Variants in SLC7A8 observed in about 807,000 individuals in gnomAD.
SLC7A8 encodes the protein solute carrier family 7 member 8.
In SLC7A8, 30 loss-of-function variants were observed where a neutral mutation model predicts 51.2. That is an observed-to-expected ratio of 0.59 (90% CI 0.44 to 0.80). The LOEUF (loss-of-function observed/expected upper bound fraction) is 0.80, where lower values mean the gene tolerates loss of function less well. SLC7A8 is among the 30% of genes least tolerant of loss of function. SLC7A8 has a pLI of 0.00. For missense variants in SLC7A8, 612 were observed against 674.4 expected, an observed-to-expected ratio of 0.91 and a Z score of 1.03; for synonymous variants, 257 against 275.8, an observed-to-expected ratio of 0.93 and a Z score of 0.67.
intron 1 of SLC7A8, among the ~76,000 whole-genome samples, chr14:23,173,982 C>A (rs2048987546): frequency 6.6e-6 from 1 of 152,170 alleles, no homozygotes; most frequent in African/African-American, 2.4e-5. Flanking sequence ...CATTGCACAG[C>A]TAAGTAAACT....
chr14:23,176,784 A>C lies in SLC7A8; in HGVS notation c.151+5980T>G, dbSNP rs147163762. 8.0e-3 allele frequency among the ~76,000 whole-genome samples: 1,214 copies of C among 152,122 alleles called. 7 individuals carry two copies. Among genetic ancestry groups the C allele is most frequent in the Middle Eastern group, 0.024 (7 of 294 alleles). ...TGGTGAAACCCTGTCTTCACTAAAAATACAAAAATTAGCTGAGCGTGGTAG... is the reference window on the plus strand; with the variant it reads ...TGGTGAAACCCTGTCTTCACTAAAACTACAAAAATTAGCTGAGCGTGGTAG... On this transcript the variant is annotated intron_variant, in intron 1 of 10. Coordinates refer to ENST00000316902, the MANE Select transcript of SLC7A8 (RefSeq NM_012244.4).
chr14:23,148,069 C>G (rs1488763757), intron 3 of SLC7A8, among the ~76,000 whole-genome samples: 2 of 151,596 alleles, frequency 1.3e-5, no homozygotes, highest in African/African-American at 4.9e-5. Flanking sequence ...ACAGAAGTCT[C>G]TCCTTCACTT....
rs760021715 is a variant in SLC7A8 at position 23,139,407 on chromosome 14, G to C, written c.912+17C>G. On this transcript the variant is annotated intron_variant, in intron 6 of 10. Transcript: ENST00000316902. ...TCTGCATTCCTGGTATGAGACTCTG[G>C]GACTTTCATTTCTTACCACAGCGAC... 1 of 1,613,740 alleles carries C rather than the reference G, an allele frequency of 6.2e-7. No individual in the cohort carries two copies. The highest frequency in any genetic ancestry group is 1.1e-5 in the South Asian group (1 of 91,068).
At position 23,150,432 on chromosome 14, in the gene SLC7A8, A is replaced by G. The variant is rs946007120; in HGVS notation, c.509-7228T>C. Among the ~76,000 whole-genome samples the G allele has an allele frequency of 3.9e-5, 6 of 152,220 alleles. No homozygotes were observed. The South Asian group carries it at 1.2e-3, about 32-fold the overall frequency. On this transcript the variant is annotated intron_variant, in intron 3 of 10. Coordinates refer to ENST00000316902, the MANE Select transcript of SLC7A8 (RefSeq NM_012244.4). ...CAGCAGCATGAAGGGAAGGAGGCAG[A>G]GTCGGCTCTCTCAGAGGGACCTGGC...
Position 23,129,744 on chromosome 14 carries a change from T to C in SLC7A8, c.1169A>G (p.Tyr390Cys), listed in dbSNP as rs756524951. The change falls in exon 9 of 11, where the codon TAT becomes TGT. Residue 390 changes from tyrosine (Y) to cysteine (C), a missense_variant. Transcript: ENST00000316902. ...VTSDMYTLIN[Y>C]VGFINYLFYG... is the part of the protein sequence containing the mutation. ...GAAGAGGTAGTTGATGAAGCCCACA[T>C]AGTTGATGAGTGTGTACATGTCGCT... 53 of 1,614,034 alleles carry C rather than the reference T, an allele frequency of 3.3e-5. No homozygotes were observed. Among genetic ancestry groups the C allele is most frequent in the Admixed American group, 1.7e-5 (1 of 60,008 alleles).
intron 8 of SLC7A8, 66 bp from the exon 9 acceptor site, chr14:23,129,865 G>C: frequency 6.4e-7 from 1 of 1,569,828 alleles, no homozygotes; most frequent in Non-Finnish European, 8.7e-7. Flanking sequence ...TACAGATTAG[G>C]GGCTGTCCCC....
intron 3 of SLC7A8, chr14:23,154,154 C>T: frequency 1.4e-6 from 1 of 735,714 alleles, no homozygotes. Context: ...CCTCTCCAAA[C>T]CTGCAAAACA....
In SLC7A8 at chr14:23,128,194, G is replaced by A. The variant is rs962468753; in HGVS notation, c.1266C>T (p.Ile422=). The A allele has an allele frequency of 2.5e-6, 4 of 1,614,110 alleles. No individual in the cohort carries two copies. The part of the protein sequence containing the change: ...KKPDIPRPIK[I]NLLFPIIYLL... ...AGTAGATGATGGGGAACAGCAGGTT[G>A]ATCTGTGGAGCAGAGGCATGAGGCG... The change falls in exon 10 of 11, where the codon ATC becomes ATT. Residue 422 remains isoleucine (I), a splice_region_variant and synonymous_variant. Coordinates refer to ENST00000316902, the MANE Select transcript of SLC7A8 (RefSeq NM_012244.4). The surrounding 1 kb of genome is among the most constrained non-coding windows in gnomAD (Gnocchi z 4.3).
At chr14:23,156,943 A>G (rs1254296960) in intron 3 of SLC7A8, among the ~76,000 whole-genome samples, 3 of 152,226 alleles carry the variant, frequency 2.0e-5, no homozygotes, top group Non-Finnish European at 4.4e-5. Context: ...CTGGGCCAGC[A>G]GTTGAAGCAC....
chr14:23,125,335 A>C lies in SLC7A8; in HGVS notation c.*1842T>G, dbSNP rs1566775709. On this transcript the variant is annotated 3_prime_UTR_variant, in exon 11 of 11. Transcript: ENST00000316902. The stretch of plus-strand genomic sequence containing the variant: ...AATTTTATTACATCAAAAGAAAAAA[A>C]CCTCTCCACAAAACAAATCTCTAAA... The C allele has an allele frequency of 6.6e-6, 1 of 152,312 alleles. No homozygotes were observed. Among genetic ancestry groups the C allele is most frequent in the South Asian group, 2.1e-4 (1 of 4,834 alleles). The allele number at this position is 152,312 out of a possible 1,614,324, so 9.4% of individuals were successfully genotyped here.
intron 3 of SLC7A8, among the ~76,000 whole-genome samples, chr14:23,149,735 T>C (rs890587635): frequency 1.3e-5 from 2 of 152,206 alleles, no homozygotes; most frequent in African/African-American, 4.8e-5. Context: ...CCTAAATCAA[T>C]ATACAGTCAT....
At chr14:23,133,946 A>AT (rs574584583) in intron 7 of SLC7A8, among the ~76,000 whole-genome samples, 50 of 148,144 alleles carry the variant, frequency 3.4e-4, no homozygotes, top group Middle Eastern at 3.5e-3. Context: ...AATGCAAATA[A>AT]TTTTTTTTTT....
intron 1 of SLC7A8, 45 bp from the exon 2 acceptor site, chr14:23,166,585 G>A (rs1193736084): frequency 2.5e-6 from 4 of 1,604,176 alleles, no homozygotes; most frequent in East Asian, 2.2e-5. Context: ...GTAGAGACAG[G>A]ACGGTTGGCA....
intron 1 of SLC7A8, among the ~76,000 whole-genome samples, chr14:23,180,304 T>A (rs972355096): frequency 6.6e-6 from 1 of 152,230 alleles, no homozygotes; most frequent in Non-Finnish European, 1.5e-5. Flanking sequence ...TTTTTGCATT[T>A]GGTCTTGAAA....
intron 1 of SLC7A8, among the ~76,000 whole-genome samples, chr14:23,177,486 G>A (rs536125786): frequency 6.6e-6 from 1 of 152,300 alleles, no homozygotes; most frequent in South Asian, 2.1e-4. Context: ...ATCAGTTCTG[G>A]TTCAAGAGGC....
intron 3 of SLC7A8, among the ~76,000 whole-genome samples, chr14:23,145,130 C>G (rs2048780799): frequency 6.6e-6 from 1 of 151,404 alleles, no homozygotes; most frequent in South Asian, 2.1e-4. Flanking sequence ...CCGTGTTAGC[C>G]AGAATGGTCT....
intron 7 of SLC7A8, among the ~76,000 whole-genome samples, chr14:23,135,939 A>C (rs2048686607): frequency 6.6e-6 from 1 of 152,194 alleles, no homozygotes; most frequent in Non-Finnish European, 1.5e-5. Flanking sequence ...AGAAAAGTGA[A>C]TATTAGAAGC....
At chr14:23,132,828 G>T (rs973427545) in intron 7 of SLC7A8, among the ~76,000 whole-genome samples, 1 of 151,932 alleles carries the variant, frequency 6.6e-6, no homozygotes, top group Non-Finnish European at 1.5e-5. Flanking sequence ...TGGAGACGGG[G>T]TTTCTCCATG....
At position 23,178,795 on chromosome 14, in the gene SLC7A8, G is replaced by T. The variant is rs1877034177; in HGVS notation, c.151+3969C>A. Reference sequence around the variant, plus strand: ...TAAAAATTATTAAGCTACTTGGGAGGCTGAGGTGGGAGAATTGCTTTCGAG... The same window carrying T: ...TAAAAATTATTAAGCTACTTGGGAGTCTGAGGTGGGAGAATTGCTTTCGAG... On this transcript the variant is annotated intron_variant, in intron 1 of 10. Coordinates refer to ENST00000316902, the MANE Select transcript of SLC7A8 (RefSeq NM_012244.4). Among the ~76,000 whole-genome samples the T allele has an allele frequency of 3.3e-5, 5 of 149,656 alleles. No individual in the cohort carries two copies. In the South Asian group the frequency reaches 1.1e-3, roughly 32 times the overall value.
Sources: gnomAD v4.1 joint callset for allele counts (sites outside exome capture counted in the v4.1 genomes callset) on GRCh38, gnomAD v4.1.1 for gene constraint, Gnocchi (gnomAD v3.1) non-coding constraint, MANE v1.5 for transcripts, NCBI Gene and HGNC (gene_info 2026-07-23, HGNC 2026-07-21) for gene names.